Variants in DPP8 observed in about 807,000 individuals in gnomAD.
DPP8 encodes DPP VIII.
DPP8 carries 31 observed loss-of-function variants against 107.5 expected under a neutral mutation model. That is an observed-to-expected ratio of 0.29 (90% CI 0.22 to 0.39). The LOEUF is 0.39. DPP8 is among the 10% of genes least tolerant of loss of function. DPP8 has a pLI of 1.00. For missense variants in DPP8, 842 were observed against 1,076.1 expected, an observed-to-expected ratio of 0.78 and a Z score of 3.04; for synonymous variants, 381 against 356.6, an observed-to-expected ratio of 1.07 and a Z score of -0.77.
chr15:65,485,030 A>G, intron 8 of DPP8, 69 bp downstream of exon 8: 1 of 1,254,556 alleles, frequency 8.0e-7, no homozygotes, highest in Admixed American at 1.9e-5. Context: ...AAAGTGTATC[A>G]AAGAACCCTA....
chr15:65,507,362 G>A lies in DPP8; in HGVS notation c.260-7C>T, dbSNP rs1379914312. ...CTGTTCTCACCAGACATGGCTATAGGAGAAAGCAATCATTTATTATTATTT... is the reference window on the plus strand; with the variant it reads ...CTGTTCTCACCAGACATGGCTATAGAAGAAAGCAATCATTTATTATTATTT... On this transcript the variant is annotated splice_polypyrimidine_tract_variant and splice_region_variant and intron_variant, in intron 2 of 19. Coordinates refer to ENST00000300141, the MANE Select transcript of DPP8 (RefSeq NM_130434.5). 1.3e-6 allele frequency: 2 copies of A among 1,517,096 alleles called. No homozygotes were observed. Among genetic ancestry groups the A allele is most frequent in the Non-Finnish European group, 9.1e-7 (1 of 1,103,318 alleles). The allele number at this position is 1,517,096 out of a possible 1,614,324, so 94.0% of individuals were successfully genotyped here.
intron 12 of DPP8, among the ~76,000 whole-genome samples, chr15:65,467,818 T>C (rs553257015): frequency 5.9e-5 from 9 of 152,340 alleles, no homozygotes; most frequent in Admixed American, 3.9e-4. Flanking sequence ...AACAACTCTT[T>C]ACAGGGGAAA....
chr15:65,470,605 C>T (rs371408265), intron 12 of DPP8, among the ~76,000 whole-genome samples: 1 of 104,896 alleles, frequency 9.5e-6, no homozygotes, highest in Admixed American at 1.1e-4. Flanking sequence ...AGACTTGTCT[C>T]AAAAAAAAAA....
At chr15:65,500,871 CTCT>C (rs1169400175) in intron 3 of DPP8, 92 bp from the exon 4 acceptor site, 4 of 544,826 alleles carry the variant, frequency 7.3e-6, no homozygotes, top group African/African-American at 2.0e-5. Context: ...ACATTATTGA[CTCT>C]TTTTTTTTTT....
In DPP8 at chr15:65,463,916, G is replaced by A; in HGVS notation, c.1826-10C>T. 6.5e-7 allele frequency: 1 copy of A among 1,549,006 alleles called. No individual in the cohort carries two copies. The highest frequency in any genetic ancestry group is 8.7e-7 in the Non-Finnish European group (1 of 1,153,936). On this transcript the variant is annotated splice_polypyrimidine_tract_variant and intron_variant, in intron 14 of 19. Transcript: ENST00000300141. ...TAGTCAGGAAGAGGACCTGTGAATAGGTAACATAACAGAGTCTACAAAAGA... is the reference window on the plus strand; with the variant it reads ...TAGTCAGGAAGAGGACCTGTGAATAAGTAACATAACAGAGTCTACAAAAGA...
intron 3 of DPP8, among the ~76,000 whole-genome samples, chr15:65,501,653 A>C (rs1046688099): frequency 6.6e-6 from 1 of 152,136 alleles, no homozygotes; most frequent in Non-Finnish European, 1.5e-5. Context: ...AAACCTTTCC[A>C]CTACACTAGC....
intron 19 of DPP8, 88 bp from the exon 20 acceptor site, chr15:65,447,094 G>T: frequency 9.7e-7 from 1 of 1,033,080 alleles, no homozygotes; most frequent in Non-Finnish European, 1.4e-6. Context: ...ATTTTTAACA[G>T]GATTAATAAT....
intron 19 of DPP8, among the ~76,000 whole-genome samples, chr15:65,450,359 T>G (rs975603765): frequency 6.6e-6 from 1 of 152,228 alleles, no homozygotes; most frequent in Non-Finnish European, 1.5e-5. Flanking sequence ...ATAAACAAAG[T>G]TCTTTGGTAG....
chr15:65,479,965 A>T (rs1169046025), intron 10 of DPP8, among the ~76,000 whole-genome samples: 1 of 151,774 alleles, frequency 6.6e-6, no homozygotes, highest in East Asian at 1.9e-4. Flanking sequence ...AGCACTGATG[A>T]GGCTGTATAT....
chr15:65,445,608 A>G lies in DPP8; in HGVS notation c.*1276T>C, dbSNP rs11455. ...TTAGTTTATGGTAAAGAGGTTATCTATAAACATTTGTATTTTAAGCTTACA... is the reference window on the plus strand; with the variant it reads ...TTAGTTTATGGTAAAGAGGTTATCTGTAAACATTTGTATTTTAAGCTTACA... On this transcript the variant is annotated 3_prime_UTR_variant, in exon 20 of 20. Coordinates refer to ENST00000300141, the MANE Select transcript of DPP8 (RefSeq NM_130434.5). 52,466 of 153,442 alleles carry G rather than the reference A, an allele frequency of 0.34. 10,397 individuals are homozygous for G. Among genetic ancestry groups the G allele is most frequent in the East Asian group, 0.77 (4,002 of 5,176 alleles). The allele number at this position is 153,442 out of a possible 1,614,324, so 9.5% of individuals were successfully genotyped here.
At position 65,448,693 on chromosome 15, in the gene DPP8, AT is replaced by A. The variant is rs1311257328; in HGVS notation, c.2527-1688del. 5.6e-4 allele frequency among the ~76,000 whole-genome samples: 63 copies of A among 112,404 alleles called. 3 individuals are homozygous for A. Among genetic ancestry groups the A allele is most frequent in the African/African-American group, 1.9e-3 (57 of 30,534 alleles). 73.7% of individuals were successfully genotyped at this position (112,404 alleles called of 152,430 possible). Reference sequence around the variant, plus strand: ...TCTCAAAAAAAAAAAAAAAAAAAATATATATATATATAAAATGTACATATAT... The same window carrying A: ...TCTCAAAAAAAAAAAAAAAAAAAATAATATATATATAAAATGTACATATAT... On this transcript the variant is annotated intron_variant, in intron 19 of 19. Transcript: ENST00000300141.
intron 16 of DPP8, among the ~76,000 whole-genome samples, chr15:65,454,680 C>A (rs1404971652): frequency 6.6e-6 from 1 of 152,186 alleles, no homozygotes; most frequent in Non-Finnish European, 1.5e-5. Context: ...GCATGCGCCA[C>A]CATGCCCAGC....
intron 9 of DPP8, 116 bp downstream of exon 9, chr15:65,481,399 A>G (rs1595983742): frequency 2.8e-6 from 2 of 720,050 alleles, no homozygotes; most frequent in East Asian, 5.5e-5. Flanking sequence ...TAATAACTGT[A>G]CTGCAAATTT....
chr15:65,491,755 C>T (rs886523597), intron 5 of DPP8, among the ~76,000 whole-genome samples: 57 of 152,052 alleles, frequency 3.7e-4, no homozygotes, highest in Admixed American at 3.9e-4. Context: ...TTTTTTGAGA[C>T]GGAGTCTCGC....
In DPP8 at chr15:65,474,205, A is replaced by G; in HGVS notation, c.1536+4T>C. On this transcript the variant is annotated splice_donor_region_variant and intron_variant, in intron 12 of 19. Coordinates refer to ENST00000300141, the MANE Select transcript of DPP8 (RefSeq NM_130434.5). ...AAACATATCAGTAGAATAAAATAAC[A>G]TACATTAGATCCATGCCGGCCAAGA... 6.3e-7 allele frequency: 1 copy of G among 1,599,522 alleles called. No homozygotes were observed. Among genetic ancestry groups the G allele is most frequent in the South Asian group, 1.1e-5 (1 of 90,802 alleles).
chr15:65,456,837 C>A (rs1439875461), intron 15 of DPP8, among the ~76,000 whole-genome samples: 1 of 152,108 alleles, frequency 6.6e-6, no homozygotes, highest in Non-Finnish European at 1.5e-5. Context: ...CCTCTGACCT[C>A]ATCTCATACC....
Position 65,480,208 on chromosome 15 carries a change from GA to G in DPP8, c.1296+13del, listed in dbSNP as rs528716809. ...TGAGAAAATATTTAAACAAATACAG[GA>G]AAAAATGCATACATTTATCCAGATG... On this transcript the variant is annotated intron_variant, in intron 10 of 19. Coordinates refer to ENST00000300141, the MANE Select transcript of DPP8 (RefSeq NM_130434.5). The G allele has an allele frequency of 1.9e-6, 3 of 1,595,808 alleles. No individual in the cohort carries two copies. The highest frequency in any genetic ancestry group is 1.7e-6 in the Non-Finnish European group (2 of 1,170,052).
At chr15:65,500,585 T>C (rs2140994655) in intron 4 of DPP8, 21 bp downstream of exon 4, 1 of 1,608,096 alleles carries the variant, frequency 6.2e-7, no homozygotes, top group Non-Finnish European at 8.5e-7. Flanking sequence ...CCAGATTTAA[T>C]CACTAGCAAC....
In DPP8 at chr15:65,494,646, G is replaced by GAAAAAA. The variant is rs5813355; in HGVS notation, c.715+3212_715+3217dup. Among the ~76,000 whole-genome samples the GAAAAAA allele has an allele frequency of 1.3e-3, 150 of 114,334 alleles. 4 individuals carry two copies. Among genetic ancestry groups the GAAAAAA allele is most frequent in the Non-Finnish European group, 1.8e-3 (110 of 59,748 alleles). The allele number at this position is 114,334 out of a possible 152,430, so 75.0% of individuals were successfully genotyped here. A position where few individuals can be genotyped will look rare whatever the true frequency, so the allele number is the denominator to read the frequency against. ...TAGGAGACCCTGTCTCAAAAAAATT[G>GAAAAAA]AAAAAAAAAAAAAAAAGGGCATGAA... On this transcript the variant is annotated intron_variant, in intron 5 of 19. Transcript: ENST00000300141.
Sources: allele counts gnomAD v4.1 joint callset (sites outside exome capture counted in the v4.1 genomes callset), GRCh38; gene constraint gnomAD v4.1.1; transcripts MANE v1.5; gene names NCBI Gene and HGNC (gene_info 2026-07-23, HGNC 2026-07-21).